The following ATG2B variants were observed in gnomAD, a reference collection of about 807,000 sequenced individuals.
The protein encoded by ATG2B is autophagy related 2B.
ATG2B carries 121 observed loss-of-function variants against 241.3 expected under a neutral mutation model. The observed-to-expected ratio is 0.50, with a 90% CI of 0.43 to 0.58. The LOEUF is 0.58. ATG2B is among the 20% of genes least tolerant of loss of function. The probability of loss-of-function intolerance (pLI) is 0.00; values close to 1 mark genes in which losing one functional copy is unlikely to be tolerated. For missense variants in ATG2B, 2,306 were observed against 2,491.6 expected, an observed-to-expected ratio of 0.93 and a Z score of 1.59; for synonymous variants, 858 against 876.6, an observed-to-expected ratio of 0.98 and a Z score of 0.37.
chr14:96,361,924 A>C (rs1369109045), intron 1 of ATG2B, among the ~76,000 whole-genome samples: 1 of 152,124 alleles, frequency 6.6e-6, no homozygotes, highest in Non-Finnish European at 1.5e-5. Context: ...GTGGCTAAGG[A>C]AGTAAGGGTT....
chr14:96,327,332 C>A (rs1356030624), intron 14 of ATG2B, among the ~76,000 whole-genome samples: 2 of 152,018 alleles, frequency 1.3e-5, no homozygotes, highest in Admixed American at 1.3e-4. Context: ...AATAAAATAT[C>A]TTTTTCCTTT....
intron 1 of ATG2B, among the ~76,000 whole-genome samples, chr14:96,360,098 T>A (rs1888584314): frequency 6.6e-6 from 1 of 152,236 alleles, no homozygotes; most frequent in African/African-American, 2.4e-5. Context: ...AGAATCTTTG[T>A]AAAGAGAAAG....
At chr14:96,324,852 G>A (rs927565827) in intron 15 of ATG2B, among the ~76,000 whole-genome samples, 20 of 151,926 alleles carry the variant, frequency 1.3e-4, no homozygotes, top group Non-Finnish European at 2.1e-4. Context: ...CTTAAGATAC[G>A]TAAAACCGAG....
rs757487463 is a variant in ATG2B, at chr14:96,290,471, G to A, written c.5821C>T (p.Leu1941=). 1.1e-5 allele frequency: 18 copies of A among 1,614,024 alleles called. No homozygotes were observed. The highest frequency in any genetic ancestry group is 1.1e-5 in the Non-Finnish European group (13 of 1,180,036). ...TGAACCATTCTGTTTGTGAGTTCTA[G>A]AGCAGCCATCGCTGTCGAGGTACCA... ...SFGTSTAMAA[L]ELTNRMVQTI... Residue 1941 remains leucine, a synonymous_variant, in exon 40 of 42, where the codon CTA becomes TTA. Coordinates refer to ENST00000359933, the MANE Select transcript of ATG2B (RefSeq NM_018036.7). This position sits in a 1 kb window ranked among gnomAD's most constrained non-coding sequence, Gnocchi z 4.4.
intron 1 of ATG2B, among the ~76,000 whole-genome samples, chr14:96,354,192 G>A (rs187826933): frequency 7.9e-5 from 12 of 152,236 alleles, no homozygotes; most frequent in African/African-American, 1.9e-4. Context: ...TGTTACATAC[G>A]TAAATGTGTC....
intron 1 of ATG2B, among the ~76,000 whole-genome samples, chr14:96,357,903 G>A (rs1428020304): frequency 2.0e-5 from 3 of 152,040 alleles, no homozygotes; most frequent in African/African-American, 4.8e-5. Context: ...TTTTTGTAAT[G>A]AGCATATATT....
At chr14:96,298,625 AG>A in intron 34 of ATG2B, among the ~76,000 whole-genome samples, 1 of 152,324 alleles carries the variant, frequency 6.6e-6, no homozygotes, top group South Asian at 2.1e-4. Context: ...GCTACAACAT[AG>A]ATGGATCTCA....
At chr14:96,331,246 A>T in intron 11 of ATG2B, 130 bp downstream of exon 11, 1 of 891,146 alleles carries the variant, frequency 1.1e-6, no homozygotes, top group Non-Finnish European at 1.7e-6. Context: ...CCATTCATTT[A>T]CAAATAAAAT....
intron 19 of ATG2B, 28 bp downstream of exon 19, chr14:96,317,670 A>C: frequency 6.5e-7 from 1 of 1,530,712 alleles, no homozygotes; most frequent in African/African-American, 1.4e-5. Context: ...TAGGCATTTT[A>C]AATCAAAACA....
chr14:96,345,563 T>A (rs1295750428), intron 2 of ATG2B, among the ~76,000 whole-genome samples, 178 bp from the exon 3 acceptor site: 1 of 152,088 alleles, frequency 6.6e-6, no homozygotes, highest in Non-Finnish European at 1.5e-5. Context: ...AATCACCTTA[T>A]AATAACCAAG....
Position 96,331,650 on chromosome 14 carries a change from T to G in ATG2B, c.1469-13A>C. On this transcript the variant is annotated splice_polypyrimidine_tract_variant and intron_variant, in intron 10 of 41. Coordinates refer to ENST00000359933, the MANE Select transcript of ATG2B (RefSeq NM_018036.7). ...CTAGATGGGAGAGCTAAAATACAAG[T>G]ATTAAAATTATATACATAAAATTTG... 6.4e-7 allele frequency: 1 copy of G among 1,556,594 alleles called. No individual in the cohort carries two copies. The highest frequency in any genetic ancestry group is 8.7e-7 in the Non-Finnish European group (1 of 1,153,036).
chr14:96,285,851 T>G lies in ATG2B; in HGVS notation c.6141A>C (p.Thr2047=), dbSNP rs780573572. ...PAVVKPLIVA[T]EATSNVLGGM... ...CACCCAGCACGTTTGACGTTGCTTCTGTGGCAACAATCAGAGGTTTCACCA... is the reference window on the plus strand; with the variant it reads ...CACCCAGCACGTTTGACGTTGCTTCGGTGGCAACAATCAGAGGTTTCACCA... The change falls in exon 42 of 42, where the codon ACA becomes ACC. Residue 2047 remains threonine (T), a synonymous_variant. Transcript: ENST00000359933. The surrounding 1 kb of genome is among the most constrained non-coding windows in gnomAD (Gnocchi z 4.2). 1 of 1,614,060 alleles carries G rather than the reference T, an allele frequency of 6.2e-7. No individual in the cohort carries two copies. The highest frequency in any genetic ancestry group is 1.7e-5 in the Admixed American group (1 of 60,002).
chr14:96,290,899 G>A lies in ATG2B; in HGVS notation c.5616C>T (p.Ile1872=). The A allele has an allele frequency of 6.2e-7, 1 of 1,613,314 alleles. No individual in the cohort carries two copies. The highest frequency in any genetic ancestry group is 8.5e-7 in the Non-Finnish European group (1 of 1,179,516). ...TCTTAATGTCATTAAGCCACTCAGT[G>A]ATTGCATATGAGAATAATTTGTCAA... ...LGVDKLFSYA[I]TEWLNDIKKN... is the part of the protein sequence containing the mutation. Residue 1872 remains isoleucine (I), a synonymous_variant, in exon 39 of 42, where the codon ATC becomes ATT. Coordinates refer to ENST00000359933, the MANE Select transcript of ATG2B (RefSeq NM_018036.7). This position sits in a 1 kb window ranked among gnomAD's most constrained non-coding sequence, Gnocchi z 4.4.
Position 96,285,945 on chromosome 14 carries a change from GC to G in ATG2B, c.6046del (p.Ala2016LeufsTer9). 6.2e-7 allele frequency: 1 copy of G among 1,613,970 alleles called. No individual in the cohort carries two copies. The highest frequency in any genetic ancestry group is 8.5e-7 in the Non-Finnish European group (1 of 1,180,010). ...DTAQTIYETA[A>X]REHESRGVTG... is the part of the protein sequence containing the mutation. ...CACCCCTCTGCTCTCGTGTTCTCGA[GC>G]CGCAGTTTCATAAATGGTCTGAGCC... is the stretch of plus-strand genomic sequence containing the variant. On this transcript the variant is annotated frameshift_variant, in exon 42 of 42. Coordinates refer to ENST00000359933, the MANE Select transcript of ATG2B (RefSeq NM_018036.7). LOFTEE classifies it high-confidence loss of function. The surrounding 1 kb of genome is among the most constrained non-coding windows in gnomAD (Gnocchi z 4.2).
At chr14:96,348,602 G>A (rs979829849) in intron 1 of ATG2B, among the ~76,000 whole-genome samples, 13 of 151,714 alleles carry the variant, frequency 8.6e-5, no homozygotes, top group African/African-American at 3.2e-4. Flanking sequence ...AGAATCACTT[G>A]GACCCAGGAG....
At chr14:96,309,108 A>C (rs1017576229) in intron 29 of ATG2B, among the ~76,000 whole-genome samples, 8 of 152,134 alleles carry the variant, frequency 5.3e-5, no homozygotes, top group Admixed American at 2.0e-4. Flanking sequence ...AAATTATCCC[A>C]ATCCTTTCCA....
chr14:96,316,176 G>A (rs917303761), intron 21 of ATG2B, among the ~76,000 whole-genome samples: 1 of 152,182 alleles, frequency 6.6e-6, no homozygotes, highest in Non-Finnish European at 1.5e-5. Flanking sequence ...ACGGGAAGGA[G>A]AGAGCGGAAG....
At chr14:96,323,752 A>G in intron 16 of ATG2B, 144 bp downstream of exon 16, 1 of 664,954 alleles carries the variant, frequency 1.5e-6, no homozygotes, top group Non-Finnish European at 2.6e-6. Context: ...ATTCATGTGA[A>G]CACCCAATCA....
chr14:96,342,453 G>A (rs965765007), intron 5 of ATG2B, among the ~76,000 whole-genome samples: 2 of 152,140 alleles, frequency 1.3e-5, no homozygotes, highest in African/African-American at 4.8e-5. Flanking sequence ...CAGACGTGGT[G>A]GCTCACGCCT....
Sources: gnomAD v4.1 joint callset for allele counts (sites outside exome capture counted in the v4.1 genomes callset) on GRCh38, gnomAD v4.1.1 for gene constraint, Gnocchi (gnomAD v3.1) non-coding constraint, MANE v1.5 for transcripts, NCBI Gene and HGNC (gene_info 2026-07-23, HGNC 2026-07-21) for gene names.